ZFHX3: variants seen among roughly 807,000 people sequenced by gnomAD.
ZFHX3 encodes zinc finger homeobox protein 3.
In ZFHX3, 42 loss-of-function variants were observed where a neutral mutation model predicts 279.1. The observed-to-expected ratio is 0.15, with a 90% confidence interval of 0.12 to 0.19. ZFHX3 has a LOEUF of 0.19. ZFHX3 is among the 10% of genes least tolerant of loss of function. The pLI is 1.00. For synonymous variants in ZFHX3, 2,293 were observed against 1,957.8 expected, an observed-to-expected ratio of 1.17 and a Z score of -4.52; for missense variants, 4,981 against 4,754.0, an observed-to-expected ratio of 1.05 and a Z score of -1.40.
chr16:73,302,200 C>T (rs931618410), intron 4 of ZFHX3, among the ~76,000 whole-genome samples: 1 of 152,094 alleles, frequency 6.6e-6, no homozygotes, highest in African/African-American at 2.4e-5. Context: ...TATTTTTCCT[C>T]TGTCTTGGTT....
At chr16:72,961,208 G>A (rs868704852) in intron 1 of ZFHX3, among the ~76,000 whole-genome samples, 12 of 149,640 alleles carry the variant, frequency 8.0e-5, no homozygotes, top group African/African-American at 3.0e-4. Context: ...AAGCCGAGAC[G>A]GCAGCTGGGC....
At chr16:73,258,443 G>A (rs535625829) in intron 4 of ZFHX3, among the ~76,000 whole-genome samples, 40 of 151,898 alleles carry the variant, frequency 2.6e-4, no homozygotes, top group South Asian at 1.0e-3. Context: ...TGCACCTCCC[G>A]GGTTCACGCC....
chr16:73,809,389 GAA>G (rs1960368737), intron 1 of ZFHX3: 1 of 152,196 alleles, frequency 6.6e-6, no homozygotes, highest in African/African-American at 2.4e-5. Context: ...CCTCGGTAGG[GAA>G]AAGATGGCCT....
intron 8 of ZFHX3, among the ~76,000 whole-genome samples, chr16:73,073,344 A>C (rs1473643879): frequency 1.3e-5 from 2 of 152,226 alleles, no homozygotes; most frequent in African/African-American, 2.4e-5. Flanking sequence ...GGTGTGGTGG[A>C]AGAGGTCGGT....
intron 2 of ZFHX3, among the ~76,000 whole-genome samples, chr16:73,502,194 C>G (rs1345095511): frequency 2.0e-5 from 3 of 152,212 alleles, no homozygotes; most frequent in Non-Finnish European, 4.4e-5. Flanking sequence ...CTAAGGAACA[C>G]AGCTTTGGAA....
intron 3 of ZFHX3, among the ~76,000 whole-genome samples, chr16:73,333,517 G>T (rs146214160): frequency 6.6e-6 from 1 of 152,182 alleles, no homozygotes; most frequent in Non-Finnish European, 1.5e-5. Flanking sequence ...AAGCCAGTCA[G>T]CCAGCCCAGG....
chr16:73,729,542 A>C (rs1293201956), intron 1 of ZFHX3, among the ~76,000 whole-genome samples: 1 of 43,710 alleles, frequency 2.3e-5, no homozygotes, highest in African/African-American at 5.2e-5. Flanking sequence ...AACAAACAAA[A>C]AACAAACAAA....
chr16:73,397,542 T>C (rs1293472910), intron 3 of ZFHX3, among the ~76,000 whole-genome samples: 1 of 152,138 alleles, frequency 6.6e-6, no homozygotes, highest in Non-Finnish European at 1.5e-5. Context: ...CCTTTGGCGA[T>C]GGCATAGAAA....
intron 1 of ZFHX3, among the ~76,000 whole-genome samples, chr16:73,776,830 C>T (rs924896618): frequency 1.3e-5 from 2 of 152,136 alleles, no homozygotes; most frequent in South Asian, 2.1e-4. Flanking sequence ...CCGCCTGAAC[C>T]GTTCGCACTT....
intron 2 of ZFHX3, among the ~76,000 whole-genome samples, chr16:73,532,425 A>T (rs190627216): frequency 6.6e-6 from 1 of 152,308 alleles, no homozygotes; most frequent in Non-Finnish European, 1.5e-5. Flanking sequence ...AACTGAGTCC[A>T]TTAAACCTCT....
intron 5 of ZFHX3, among the ~76,000 whole-genome samples, chr16:73,220,101 T>TA (rs534711818): frequency 4.7e-5 from 7 of 150,198 alleles, no homozygotes; most frequent in African/African-American, 1.2e-4. Flanking sequence ...ATAAAAAAAT[T>TA]AAAAAAAAGA....
At chr16:72,859,822 G>C (rs957735334) in intron 4 of ZFHX3, among the ~76,000 whole-genome samples, 4 of 152,058 alleles carry the variant, frequency 2.6e-5, no homozygotes, top group Admixed American at 6.6e-5. Context: ...AACACAATTG[G>C]GCCACTCCGT....
intron 2 of ZFHX3, among the ~76,000 whole-genome samples, chr16:73,624,709 G>A (rs1024673732): frequency 1.3e-5 from 2 of 152,010 alleles, no homozygotes; most frequent in Non-Finnish European, 2.9e-5. Flanking sequence ...TTCATCAAAT[G>A]TGTGAGCTTA....
At chr16:72,842,956 G>T (rs1327218172) in intron 4 of ZFHX3, among the ~76,000 whole-genome samples, 1 of 152,170 alleles carries the variant, frequency 6.6e-6, no homozygotes, top group Non-Finnish European at 1.5e-5. Context: ...AATTTAGCTG[G>T]ATACAATTAG....
chr16:73,195,977 T>G (rs1968139880), intron 5 of ZFHX3, among the ~76,000 whole-genome samples: 1 of 152,144 alleles, frequency 6.6e-6, no homozygotes, highest in Non-Finnish European at 1.5e-5. Context: ...TCTCCCTCAT[T>G]GCCTAACACA....
At chr16:73,453,014 G>C (rs1356213075) in intron 3 of ZFHX3, among the ~76,000 whole-genome samples, 1 of 152,150 alleles carries the variant, frequency 6.6e-6, no homozygotes, top group Non-Finnish European at 1.5e-5. Context: ...TGAGATATCT[G>C]TCTACTTACC....
chr16:73,462,427 T>G (rs548207167), intron 2 of ZFHX3, among the ~76,000 whole-genome samples: 1 of 152,318 alleles, frequency 6.6e-6, no homozygotes, highest in East Asian at 1.9e-4. Context: ...CCTTAACACA[T>G]TGACTAGAAC....
rs970047777 is a variant in ZFHX3, at chr16:72,786,366, T to C, written c.*798A>G. 6.6e-6 allele frequency: 1 copy of C among 151,880 alleles called. No individual in the cohort carries two copies. The highest frequency in any genetic ancestry group is 6.6e-5 in the Admixed American group (1 of 15,212). The allele number at this position is 151,880 out of a possible 1,614,324, so 9.4% of individuals were successfully genotyped here. A position where few individuals can be genotyped will look rare whatever the true frequency, so the allele number is the denominator to read the frequency against. ...ACAGAAAGTCAGTTTTTAAAACTTA[T>C]TTTTTTTAAGCTACAAGTCCTCAAC... On this transcript the variant is annotated 3_prime_UTR_variant, in exon 10 of 10. Transcript: ENST00000268489.
At chr16:73,536,730 A>G (rs2019908179) in intron 2 of ZFHX3, among the ~76,000 whole-genome samples, 1 of 152,112 alleles carries the variant, frequency 6.6e-6, no homozygotes, top group African/African-American at 2.4e-5. Context: ...CTGGCACATG[A>G]GGTTTTCTCC....
Sources: gnomAD v4.1 joint callset for allele counts (sites outside exome capture counted in the v4.1 genomes callset) on GRCh38, gnomAD v4.1.1 for gene constraint, MANE v1.5 for transcripts, NCBI Gene and HGNC (gene_info 2026-07-23, HGNC 2026-07-21) for gene names.